Variants in NR3C1 observed in about 807,000 individuals in gnomAD.
NR3C1 encodes the protein glucocorticoid receptor.
Under a neutral mutation model 74.0 loss-of-function variants are expected in NR3C1, and 14 were observed. That is an observed-to-expected ratio of 0.19 (90% CI 0.12 to 0.30). NR3C1 has a LOEUF of 0.30. Ranked by LOEUF, NR3C1 falls within the 10% of genes least tolerant of loss-of-function variation. The pLI is 1.00. For missense variants in NR3C1, 695 were observed against 909.8 expected (o/e 0.76, Z 3.04); for synonymous variants, 308 against 332.5 (o/e 0.93, Z 0.80).
rs1466855213 is a variant in NR3C1, at chr5:143,278,165, T to TA, written c.*3723dup. ...ACTACAGATTATTATTCAGCATGAA[T>TA]AAAAAACTACAACTTTTATTTTTAA... On this transcript the variant is annotated 3_prime_UTR_variant, in exon 9 of 9. Coordinates refer to ENST00000394464, the MANE Select transcript of NR3C1 (RefSeq NM_000176.3). 2.0e-5 allele frequency: 3 copies of TA among 152,112 alleles called. No homozygotes were observed. Among genetic ancestry groups the TA allele is most frequent in the Non-Finnish European group, 4.4e-5 (3 of 67,998 alleles). The allele number at this position is 152,112 out of a possible 1,614,324, so 9.4% of individuals were successfully genotyped here.
intron 2 of NR3C1, among the ~76,000 whole-genome samples, chr5:143,380,236 T>A (rs1454363578): frequency 6.6e-6 from 1 of 152,198 alleles, no homozygotes; most frequent in Admixed American, 6.5e-5. Context: ...ATTTGCAAAG[T>A]AAGACTGAAA....
intron 6 of NR3C1, among the ~76,000 whole-genome samples, chr5:143,296,727 G>A (rs2151539074): frequency 6.6e-6 from 1 of 152,176 alleles, no homozygotes; most frequent in African/African-American, 2.4e-5. Flanking sequence ...TTTCTGATAT[G>A]CAATATCTGC....
chr5:143,407,652 A>G (rs1841159593), upstream of NR3C1, among the ~76,000 whole-genome samples: 4 of 152,220 alleles, frequency 2.6e-5, no homozygotes, highest in Admixed American at 2.6e-4. Context: ...ACTATGTCCT[A>G]AGGCCAATAA....
chr5:143,300,605 C>T lies in NR3C1; in HGVS notation c.1627G>A (p.Val543Met). 1 of 1,614,180 alleles carries T rather than the reference C, an allele frequency of 6.2e-7. No homozygotes were observed. Among genetic ancestry groups the T allele is most frequent in the Non-Finnish European group, 8.5e-7 (1 of 1,180,018 alleles). The change falls in exon 5 of 9, where the codon GTG becomes ATG. Residue 543 changes from valine to methionine, a missense_variant. Physicochemically the swap from Val to Met is conservative, Grantham distance 21 (BLOSUM62 1). Transcript: ENST00000394464. The surrounding 1 kb of genome is among the most constrained non-coding windows in gnomAD (Gnocchi z 5.2). ...VSLLEVIEPE[V>M]LYAGYDSSVP... is the part of the protein sequence containing the mutation. ...GAGCTATCATATCCTGCATATAACA[C>T]TTCAGGTTCAATAACCTCCAACAGT...
rs75016703 is a variant in NR3C1, at chr5:143,337,856, C to T, written c.1185-23688G>A. The stretch of plus-strand genomic sequence containing the variant: ...ATAGGTAGTAAGAAAAACAAGAAAA[C>T]AACGATCACATTTGTCAGGGCAGTG... On this transcript the variant is annotated intron_variant, in intron 2 of 8. Transcript: ENST00000394464. Among the ~76,000 whole-genome samples, 677 of 152,108 alleles carry T rather than the reference C, an allele frequency of 4.5e-3. 2 individuals carry two copies. Among genetic ancestry groups the T allele is most frequent in the African/African-American group, 0.016 (644 of 41,494 alleles).
Position 143,294,910 on chromosome 5 carries a change from G to A in NR3C1, c.2023+550C>T, listed in dbSNP as rs10482691. ...CTGAAGGACATCTTTGTCTTTGCTA[G>A]CTAAAAAGTAATCTCACAGAAGTTC... On this transcript the variant is annotated intron_variant, in intron 7 of 8. Coordinates refer to ENST00000394464, the MANE Select transcript of NR3C1 (RefSeq NM_000176.3). 95 of 984,554 alleles carry A rather than the reference G, an allele frequency of 9.6e-5. 1 individual carries two copies. In the South Asian group the frequency reaches 3.8e-3, roughly 39 times the overall value. The allele number at this position is 984,554 out of a possible 1,614,324, so 61.0% of individuals were successfully genotyped here. A position where few individuals can be genotyped will look rare whatever the true frequency, so the allele number is the denominator to read the frequency against.
Position 143,281,773 on chromosome 5 carries a change from A to T in NR3C1, c.*116T>A. On this transcript the variant is annotated 3_prime_UTR_variant, in exon 9 of 9. Coordinates refer to ENST00000394464, the MANE Select transcript of NR3C1 (RefSeq NM_000176.3). ...TGTAGTGCGTATTTAAAACAAAACA[A>T]CAGATGAAAACAATAAAAAATAAAA... The T allele has an allele frequency of 8.5e-7, 1 of 1,173,956 alleles. No individual in the cohort carries two copies. The highest frequency in any genetic ancestry group is 1.2e-6 in the Non-Finnish European group (1 of 812,652). The allele number at this position is 1,173,956 out of a possible 1,614,324, so 72.7% of individuals were successfully genotyped here. A position where few individuals can be genotyped will look rare whatever the true frequency, so the allele number is the denominator to read the frequency against.
chr5:143,319,148 C>T (rs1822795704), intron 2 of NR3C1, among the ~76,000 whole-genome samples: 1 of 152,164 alleles, frequency 6.6e-6, no homozygotes, highest in Non-Finnish European at 1.5e-5. Flanking sequence ...AGATAGGCTA[C>T]AATTCATAAC....
At chr5:143,343,298 G>A (rs536831231) in intron 2 of NR3C1, among the ~76,000 whole-genome samples, 17 of 152,234 alleles carry the variant, frequency 1.1e-4, no homozygotes, top group Non-Finnish European at 2.1e-4. Context: ...CCTGGGTTTC[G>A]GCTCCCTCTT....
chr5:143,340,079 T>G (rs1295708183), intron 2 of NR3C1, among the ~76,000 whole-genome samples: 3 of 152,126 alleles, frequency 2.0e-5, no homozygotes, highest in Non-Finnish European at 4.4e-5. Flanking sequence ...AAATTTATAT[T>G]AATATAATTT....
intron 2 of NR3C1, among the ~76,000 whole-genome samples, chr5:143,395,578 A>C (rs752168331): frequency 6.6e-6 from 1 of 151,918 alleles, no homozygotes; most frequent in Non-Finnish European, 1.5e-5. Flanking sequence ...AATGCTATTC[A>C]GCACAAACCT....
chr5:143,290,842 G>A (rs935344563), intron 7 of NR3C1, among the ~76,000 whole-genome samples: 1 of 150,042 alleles, frequency 6.7e-6, no homozygotes, highest in Non-Finnish European at 1.5e-5. Flanking sequence ...GATTATAGGT[G>A]TGAGCCACTA....
chr5:143,381,795 C>T (rs1292065824), intron 2 of NR3C1, among the ~76,000 whole-genome samples: 2 of 152,072 alleles, frequency 1.3e-5, no homozygotes, highest in Non-Finnish European at 2.9e-5. Context: ...GGACTAAAGC[C>T]CTAAATCTAA....
At chr5:143,323,974 C>T (rs1295843006) in intron 2 of NR3C1, among the ~76,000 whole-genome samples, 1 of 152,324 alleles carries the variant, frequency 6.6e-6, no homozygotes, top group East Asian at 1.9e-4. Context: ...AGATGGATTC[C>T]CATGGTCTTG....
chr5:143,296,039 T>C (rs886931811), intron 6 of NR3C1, among the ~76,000 whole-genome samples: 2 of 152,210 alleles, frequency 1.3e-5, no homozygotes. Context: ...TGTTCACAGT[T>C]ATGCAGAGGG....
At chr5:143,317,135 GAT>G (rs1822295405) in intron 2 of NR3C1, among the ~76,000 whole-genome samples, 1 of 152,110 alleles carries the variant, frequency 6.6e-6, no homozygotes, top group Non-Finnish European at 1.5e-5. Flanking sequence ...GGAGGAGTAA[GAT>G]AGCCTATAAT....
chr5:143,397,397 G>C (rs1434608149), intron 2 of NR3C1, among the ~76,000 whole-genome samples: 2 of 151,884 alleles, frequency 1.3e-5, no homozygotes, highest in African/African-American at 4.8e-5. Context: ...CTACAGTCAT[G>C]TAACATATAG....
chr5:143,338,896 A>C (rs1827685918), intron 2 of NR3C1, among the ~76,000 whole-genome samples: 1 of 152,206 alleles, frequency 6.6e-6, no homozygotes, highest in African/African-American at 2.4e-5. Flanking sequence ...TATTCACAGT[A>C]AGCACCTATA....
At chr5:143,377,893 C>T (rs1835498209) in intron 2 of NR3C1, among the ~76,000 whole-genome samples, 1 of 152,026 alleles carries the variant, frequency 6.6e-6, no homozygotes, top group Admixed American at 6.6e-5. Context: ...TCCTTGGATC[C>T]CAAATATGTC....
Sources: gnomAD v4.1 joint callset for allele counts (sites outside exome capture counted in the v4.1 genomes callset) on GRCh38, gnomAD v4.1.1 for gene constraint, Gnocchi (gnomAD v3.1) non-coding constraint, MANE v1.5 for transcripts, NCBI Gene and HGNC (gene_info 2026-07-23, HGNC 2026-07-21) for gene names.